GALNT18: variants seen among roughly 807,000 people sequenced by gnomAD.
GALNT18 encodes the protein GalNAc-transferase 18.
A neutral mutation model predicts 69.5 loss-of-function variants in GALNT18; 44 were observed. That is an observed-to-expected ratio of 0.63 (90% confidence interval 0.50 to 0.81). The LOEUF is 0.81. GALNT18 is among the 40% of genes least tolerant of loss of function. The pLI is 0.00. For synonymous variants in GALNT18, 364 were observed against 318.2 expected (o/e 1.14, Z -1.53); for missense variants, 715 against 810.0 (o/e 0.88, Z 1.42).
rs61001797 is a variant in GALNT18 at position 11,497,327 on chromosome 11, A to AACACACACACACACACACACACACACAC, written c.236-48419_236-48392dup. ...TATTTATGTTTTACCTCCTGTCTCC[A>AACACACACACACACACACACACACACAC]ACACACACACACACACACACACACA... On this transcript the variant is annotated intron_variant, in intron 1 of 10. Coordinates refer to ENST00000227756, the MANE Select transcript of GALNT18 (RefSeq NM_198516.3). The surrounding 1 kb of genome is among the most constrained non-coding windows in gnomAD (Gnocchi z 4.2). Among the ~76,000 whole-genome samples the AACACACACACACACACACACACACACAC allele has an allele frequency of 7.6e-6, 1 of 132,230 alleles. No homozygotes were observed. Among genetic ancestry groups the AACACACACACACACACACACACACACAC allele is most frequent in the Non-Finnish European group, 1.6e-5 (1 of 63,204 alleles). The allele number at this position is 132,230 out of a possible 152,430, so 86.7% of individuals were successfully genotyped here.
chr11:11,402,667 A>G lies in GALNT18; in HGVS notation c.596-23403T>C, dbSNP rs1031216631. Reference sequence around the variant, plus strand: ...AGTCCTCTTTTTCATGGATAGAGCCAGTGTCCCAAAAACTCTTTAAGGAAC... The same window carrying G: ...AGTCCTCTTTTTCATGGATAGAGCCGGTGTCCCAAAAACTCTTTAAGGAAC... On this transcript the variant is annotated intron_variant, in intron 3 of 10. Coordinates refer to ENST00000227756, the MANE Select transcript of GALNT18 (RefSeq NM_198516.3). The surrounding 1 kb of genome is among the most constrained non-coding windows in gnomAD (Gnocchi z 4.0). 6.6e-6 allele frequency among the ~76,000 whole-genome samples: 1 copy of G among 152,252 alleles called. No individual in the cohort carries two copies. Among genetic ancestry groups the G allele is most frequent in the Non-Finnish European group, 1.5e-5 (1 of 68,050 alleles).
intron 1 of GALNT18, among the ~76,000 whole-genome samples, chr11:11,482,861 C>G (rs4910360): frequency 0.098 from 14,865 of 152,144 alleles, 886 homozygotes; most frequent in African/African-American, 0.15. Flanking sequence ...CAAAGCTATC[C>G]CTTGCTCTAC....
chr11:11,554,823 G>C (rs1026173836), intron 1 of GALNT18, among the ~76,000 whole-genome samples: 3 of 152,160 alleles, frequency 2.0e-5, no homozygotes, highest in African/African-American at 7.2e-5. Flanking sequence ...GGAGAGGCAA[G>C]AGAATCCAGA....
chr11:11,305,108 G>T (rs1428709568), intron 9 of GALNT18, among the ~76,000 whole-genome samples: 1 of 152,230 alleles, frequency 6.6e-6, no homozygotes, highest in Admixed American at 6.5e-5. Flanking sequence ...AGGCTGGAAA[G>T]ATGGTGACCT....
At chr11:11,466,776 A>G (rs780347748) in intron 1 of GALNT18, among the ~76,000 whole-genome samples, 2 of 152,250 alleles carry the variant, frequency 1.3e-5, no homozygotes, top group African/African-American at 2.4e-5. Context: ...GACTTGCTAA[A>G]GATGACACAG....
At chr11:11,550,432 T>C (rs910459701) in intron 1 of GALNT18, among the ~76,000 whole-genome samples, 1 of 152,242 alleles carries the variant, frequency 6.6e-6, no homozygotes, top group African/African-American at 2.4e-5. Flanking sequence ...CCAATCCTTG[T>C]GCCATGTGAG....
chr11:11,545,511 G>A (rs549910387), intron 1 of GALNT18, among the ~76,000 whole-genome samples: 1 of 152,208 alleles, frequency 6.6e-6, no homozygotes, highest in African/African-American at 2.4e-5. Context: ...CAGGTATGCA[G>A]GCCACATTCA....
chr11:11,367,533 G>A (rs1400904120), intron 6 of GALNT18, among the ~76,000 whole-genome samples: 2 of 152,178 alleles, frequency 1.3e-5, no homozygotes, highest in Non-Finnish European at 2.9e-5. Flanking sequence ...GTGATTCACA[G>A]TTGGGGCAAG....
intron 1 of GALNT18, among the ~76,000 whole-genome samples, chr11:11,451,510 T>C (rs1046234092): frequency 6.6e-6 from 1 of 152,130 alleles, no homozygotes; most frequent in African/African-American, 2.4e-5. Flanking sequence ...GATGACAAAC[T>C]CAAAGCCAGT....
chr11:11,589,795 A>C (rs911463351), intron 1 of GALNT18, among the ~76,000 whole-genome samples: 1 of 151,758 alleles, frequency 6.6e-6, no homozygotes, highest in Non-Finnish European at 1.5e-5. Context: ...CCAACAACCT[A>C]CTCTCAAATT....
chr11:11,442,145 T>C (rs955895182), intron 2 of GALNT18, among the ~76,000 whole-genome samples: 4 of 152,200 alleles, frequency 2.6e-5, no homozygotes, highest in Non-Finnish European at 5.9e-5. Flanking sequence ...TTCCAGCAAC[T>C]TGAGGCTGCT....
intron 3 of GALNT18, among the ~76,000 whole-genome samples, chr11:11,388,910 T>A (rs368624033): frequency 1.3e-4 from 20 of 152,356 alleles, no homozygotes; most frequent in African/African-American, 4.8e-4. Flanking sequence ...ACTGTTCTAA[T>A]CCTGCTTCAT....
intron 1 of GALNT18, among the ~76,000 whole-genome samples, chr11:11,498,841 A>G (rs1237399182): frequency 6.6e-6 from 1 of 152,204 alleles, no homozygotes; most frequent in Non-Finnish European, 1.5e-5. Flanking sequence ...GTTAAGAGAG[A>G]TTCTATGATG....
rs185202732 is a variant in GALNT18, at chr11:11,377,636, A to C, written c.780-257T>G. 4.8e-3 allele frequency among the ~76,000 whole-genome samples: 727 copies of C among 151,246 alleles called. 2 individuals carry two copies. Among genetic ancestry groups the C allele is most frequent in the Non-Finnish European group, 7.7e-3 (520 of 67,894 alleles). Reference sequence around the variant, plus strand: ...AGCTGAGAGATTCTTATTCCAGCCAACCTTGTGCCTGCTCGCTTTCCCTTT... The same window carrying C: ...AGCTGAGAGATTCTTATTCCAGCCACCCTTGTGCCTGCTCGCTTTCCCTTT... On this transcript the variant is annotated intron_variant, in intron 4 of 10. Transcript: ENST00000227756. The surrounding 1 kb of genome is among the most constrained non-coding windows in gnomAD (Gnocchi z 4.6).
chr11:11,280,227 T>TG (rs1489339042), intron 10 of GALNT18, among the ~76,000 whole-genome samples: 1 of 152,096 alleles, frequency 6.6e-6, no homozygotes, highest in African/African-American at 2.4e-5. Context: ...CAGCAGCTGC[T>TG]GGGGCCCACT....
chr11:11,491,984 AT>A (rs1237262512), intron 1 of GALNT18, among the ~76,000 whole-genome samples: 3 of 152,238 alleles, frequency 2.0e-5, no homozygotes, highest in Non-Finnish European at 4.4e-5. Flanking sequence ...AGTACCTATG[AT>A]TCATTTAGCA....
In GALNT18 at chr11:11,461,894, C is replaced by T. The variant is rs1856052231; in HGVS notation, c.236-12958G>A. Among the ~76,000 whole-genome samples the T allele has an allele frequency of 6.6e-6, 1 of 152,216 alleles. No individual in the cohort carries two copies. Among genetic ancestry groups the T allele is most frequent in the South Asian group, 2.1e-4 (1 of 4,832 alleles). ...TGGGAAACCTGCAGCCTGAATGAAG[C>T]TGCAAAAATCATATGTACCTTTCAT... On this transcript the variant is annotated intron_variant, in intron 1 of 10. Transcript: ENST00000227756. The surrounding 1 kb of genome is among the most constrained non-coding windows in gnomAD (Gnocchi z 4.1).
rs200022552 is a variant in GALNT18, at chr11:11,278,650, TAAAA to T, written c.1678-7364_1678-7361del. 5.4e-5 allele frequency among the ~76,000 whole-genome samples: 8 copies of T among 149,186 alleles called. No individual in the cohort carries two copies. In the South Asian group the frequency reaches 6.4e-4, roughly 12 times the overall value. ...CTTACTCACATATGGGAGTTAAAAT[TAAAA>T]AAAAAATTGAATTCCTGGAGAGAGA... On this transcript the variant is annotated intron_variant, in intron 10 of 10. Transcript: ENST00000227756.
chr11:11,453,390 G>T (rs1480403368), intron 1 of GALNT18, among the ~76,000 whole-genome samples: 3 of 152,092 alleles, frequency 2.0e-5, no homozygotes, highest in Non-Finnish European at 2.9e-5. Flanking sequence ...GACTCACCAG[G>T]CACATCTCAC....
Sources: gnomAD v4.1 joint callset for allele counts (sites outside exome capture counted in the v4.1 genomes callset) on GRCh38, gnomAD v4.1.1 for gene constraint, Gnocchi (gnomAD v3.1) non-coding constraint, MANE v1.5 for transcripts, NCBI Gene and HGNC (gene_info 2026-07-23, HGNC 2026-07-21) for gene names.